NRCAM: variants seen among roughly 807,000 people sequenced by gnomAD.
NRCAM encodes NgCAM-related cell adhesion molecule.
NRCAM carries 83 observed loss-of-function variants against 156.5 expected under a neutral mutation model. That is an observed-to-expected ratio of 0.53 (90% CI 0.44 to 0.64). NRCAM has a LOEUF of 0.64. Among genes scored for constraint, NRCAM ranks in the 30% least tolerant of loss-of-function variants. The probability of loss-of-function intolerance (pLI) is 0.00; values close to 1 mark genes in which losing one functional copy is unlikely to be tolerated. For missense variants in NRCAM, 1,417 were observed against 1,597.3 expected (o/e 0.89, Z 1.92); for synonymous variants, 538 against 563.9 (o/e 0.95, Z 0.65).
chr7:108,291,730 G>C (rs2098297335), intron 3 of NRCAM, among the ~76,000 whole-genome samples: 1 of 152,076 alleles, frequency 6.6e-6, no homozygotes, highest in African/African-American at 2.4e-5. Flanking sequence ...AGAAAAGAAA[G>C]TATAGAGGAA....
At chr7:108,274,338 T>C (rs1269666) in intron 3 of NRCAM, among the ~76,000 whole-genome samples, 91,396 of 152,098 alleles carry the variant, frequency 0.6, 28,900 homozygotes, top group East Asian at 0.94. Flanking sequence ...GCAGTATGGC[T>C]ATTTTCAGGA....
At chr7:108,417,666 A>G (rs977718087) in intron 1 of NRCAM, among the ~76,000 whole-genome samples, 2 of 152,212 alleles carry the variant, frequency 1.3e-5, no homozygotes, top group African/African-American at 4.8e-5. Context: ...TTTTTAATTC[A>G]GATGTCCAGA....
intron 17 of NRCAM, 22 bp downstream of exon 17, chr7:108,194,002 T>G (rs1038523107): frequency 1.2e-6 from 2 of 1,608,932 alleles, no homozygotes; most frequent in African/African-American, 2.7e-5. Context: ...GAAGAGAAAG[T>G]AAAGAAATCG....
intron 1 of NRCAM, among the ~76,000 whole-genome samples, chr7:108,423,349 A>C (rs957438358): frequency 1.3e-4 from 20 of 152,146 alleles, no homozygotes; most frequent in African/African-American, 4.8e-4. Context: ...GGGAAGACTG[A>C]GGCAAGAACA....
intron 1 of NRCAM, among the ~76,000 whole-genome samples, chr7:108,451,482 G>C (rs1850338225): frequency 6.6e-6 from 1 of 152,178 alleles, no homozygotes; most frequent in East Asian, 1.9e-4. Flanking sequence ...ATTGAAAGCA[G>C]TGACTCAGAT....
rs548756412 is a variant in NRCAM, at chr7:108,254,716, GT to G, written c.-106-14547del. Among the ~76,000 whole-genome samples, 13 of 151,878 alleles carry G rather than the reference GT, an allele frequency of 8.6e-5. 1 individual carries two copies. In the South Asian group the frequency reaches 2.5e-3, roughly 29 times the overall value. ...GCATATGTTCTACCATACCCACCTA[GT>G]TTTTTTTATTACTTGTAGAGACCAG... On this transcript the variant is annotated intron_variant, in intron 3 of 32. Coordinates refer to ENST00000379028, the MANE Select transcript of NRCAM (RefSeq NM_001037132.4).
intron 2 of NRCAM, among the ~76,000 whole-genome samples, chr7:108,323,939 A>G (rs1210554505): frequency 6.6e-6 from 1 of 152,130 alleles, no homozygotes; most frequent in Admixed American, 6.6e-5. Flanking sequence ...GGGCAAATCC[A>G]AAGGCCCTGA....
chr7:108,182,136 T>C (rs1308467729), intron 23 of NRCAM, among the ~76,000 whole-genome samples, 199 bp from the exon 24 acceptor site: 5 of 151,556 alleles, frequency 3.3e-5, no homozygotes, highest in African/African-American at 1.2e-4. Context: ...CATCTTGCTA[T>C]GTTGCCCAGG....
intron 2 of NRCAM, among the ~76,000 whole-genome samples, chr7:108,382,222 A>ATTT (rs71137626): frequency 0.19 from 27,667 of 145,792 alleles, 3,196 homozygotes; most frequent in East Asian, 0.48. Context: ...AGGAACAGAG[A>ATTT]TTTTTTTTTT....
At chr7:108,447,868 ATGAAG>A (rs1846186806) in intron 1 of NRCAM, among the ~76,000 whole-genome samples, 1 of 152,232 alleles carries the variant, frequency 6.6e-6, no homozygotes, top group Non-Finnish European at 1.5e-5. Context: ...ATTGAGTGCT[ATGAAG>A]TGGAGACTAT....
At chr7:108,383,430 C>T (rs1049616531) in intron 2 of NRCAM, among the ~76,000 whole-genome samples, 16 of 152,260 alleles carry the variant, frequency 1.1e-4, no homozygotes, top group Non-Finnish European at 1.8e-4. Flanking sequence ...GAAGGCAGCA[C>T]GACAGCCAGA....
chr7:108,438,531 A>C (rs114200074), intron 1 of NRCAM, among the ~76,000 whole-genome samples: 9 of 152,172 alleles, frequency 5.9e-5, no homozygotes, highest in African/African-American at 2.2e-4. Flanking sequence ...CTATTAAAAA[A>C]TCTACAGTTA....
chr7:108,241,096 G>A (rs897579680), intron 3 of NRCAM, among the ~76,000 whole-genome samples: 4 of 152,054 alleles, frequency 2.6e-5, no homozygotes, highest in African/African-American at 4.8e-5. Context: ...CTGATCACCC[G>A]AACTAGAAGT....
At chr7:108,429,474 G>A (rs889886745) in intron 1 of NRCAM, among the ~76,000 whole-genome samples, 3 of 152,218 alleles carry the variant, frequency 2.0e-5, no homozygotes, top group African/African-American at 7.2e-5. Context: ...TTACAGGCAT[G>A]AGCCATTGCG....
rs528134281 is a variant in NRCAM at position 108,304,216 on chromosome 7, T to C, written c.-107+8449A>G. ...TTTCCCCACTGTAATTTCTACTCTT[T>C]TTAATTTTTCTAAACTACTTTTAGA... On this transcript the variant is annotated intron_variant, in intron 3 of 32. Coordinates refer to ENST00000379028, the MANE Select transcript of NRCAM (RefSeq NM_001037132.4). Among the ~76,000 whole-genome samples the C allele has an allele frequency of 1.8e-4, 28 of 152,334 alleles. No homozygotes were observed. The East Asian group carries it at 5.4e-3, about 29-fold the overall frequency.
Position 108,223,768 on chromosome 7 carries a change from A to C in NRCAM, c.847T>G (p.Leu283Val), listed in dbSNP as rs1305878724. ...PEGNASNKEE[L>V]RGNVLSLECI... Reference sequence around the variant, plus strand: ...TCCAGTGAAAGCACATTTCCTCTTAATTCCTCTTTGTTACTTGCATTGCCT... The same window carrying C: ...TCCAGTGAAAGCACATTTCCTCTTACTTCCTCTTTGTTACTTGCATTGCCT... The change falls in exon 11 of 33, where the codon TTA becomes GTA. Residue 283 changes from leucine (L) to valine (V), a missense_variant. Around this residue, in one of 2 missense-constraint regions of NRCAM, gnomAD observed 1,238 missense variants for 1,336.4 expected, o/e 0.93. Transcript: ENST00000379028. The C allele has an allele frequency of 1.2e-6, 2 of 1,610,824 alleles. No homozygotes were observed. The highest frequency in any genetic ancestry group is 3.3e-5 in the Admixed American group (2 of 59,980).
At chr7:108,428,911 G>A (rs1356331989) in intron 1 of NRCAM, among the ~76,000 whole-genome samples, 1 of 145,914 alleles carries the variant, frequency 6.9e-6, no homozygotes. Flanking sequence ...TTGGAATTTT[G>A]ACATGCCATT....
intron 28 of NRCAM, among the ~76,000 whole-genome samples, chr7:108,174,379 G>A (rs1452919625): frequency 1.3e-5 from 2 of 152,146 alleles, no homozygotes; most frequent in African/African-American, 4.8e-5. Context: ...GAATAACATA[G>A]GGCAAAGCAC....
At chr7:108,412,020 A>G (rs537435778) in intron 1 of NRCAM, among the ~76,000 whole-genome samples, 1 of 152,344 alleles carries the variant, frequency 6.6e-6, no homozygotes, top group African/African-American at 2.4e-5. Flanking sequence ...TTTTGGTTCA[A>G]TGATTATTTA....
Sources: gnomAD v4.1 joint callset for allele counts (sites outside exome capture counted in the v4.1 genomes callset) on GRCh38, gnomAD v4.1.1 for gene constraint, gnomAD v4.1.1 regional missense constraint, MANE v1.5 for transcripts, NCBI Gene and HGNC (gene_info 2026-07-23, HGNC 2026-07-21) for gene names.